Variants in CDH13 observed in about 807,000 individuals in gnomAD.
CDH13 encodes cadherin-13.
CDH13 carries 24 observed loss-of-function variants against 63.8 expected under a neutral mutation model. The ratio of observed to expected loss-of-function variants is 0.38; its 90% CI spans 0.27 to 0.53. The LOEUF (loss-of-function observed/expected upper bound fraction) is 0.53, where lower values mean the gene tolerates loss of function less well. Among genes scored for constraint, CDH13 ranks in the 20% least tolerant of loss-of-function variants. The pLI is 0.85. For synonymous variants in CDH13, 503 were observed against 355.3 expected, an observed-to-expected ratio of 1.42 and a Z score of -4.67; for missense variants, 1,049 against 903.1, an observed-to-expected ratio of 1.16 and a Z score of -2.07.
At chr16:83,131,194 C>A (rs1022472442) in intron 4 of CDH13, among the ~76,000 whole-genome samples, 35 of 128,480 alleles carry the variant, frequency 2.7e-4, no homozygotes, top group Non-Finnish European at 4.6e-4. Flanking sequence ...CCCCCCCCCC[C>A]CCCCCCCGCC....
At position 83,619,590 on chromosome 16, in the gene CDH13, C is replaced by T. The variant is rs115456362; in HGVS notation, c.1101+16996C>T. On this transcript the variant is annotated intron_variant, in intron 8 of 13. Coordinates refer to ENST00000567109, the MANE Select transcript of CDH13 (RefSeq NM_001257.5). ...CTGTCCCCACACTTCTGGTGGCCGC[C>T]GGCAACCTTTGTGCTCCTGGGCTTG... Among the ~76,000 whole-genome samples, 1,044 of 152,294 alleles carry T rather than the reference C, an allele frequency of 6.9e-3. 10 individuals carry two copies. The highest frequency in any genetic ancestry group is 0.024 in the African/African-American group (999 of 41,556).
chr16:83,197,931 AT>A (rs1203119205), intron 4 of CDH13, among the ~76,000 whole-genome samples: 27 of 152,186 alleles, frequency 1.8e-4, no homozygotes, highest in African/African-American at 6.0e-4. Flanking sequence ...ACAGTTTAAC[AT>A]TAGGGAAACT....
chr16:83,031,970 A>T, intron 2 of CDH13, 40 bp from the exon 3 acceptor site: 1 of 1,496,942 alleles, frequency 6.7e-7, no homozygotes, highest in Non-Finnish European at 9.1e-7. Flanking sequence ...AAGCTGCCCA[A>T]CCTACTCATG....
At chr16:82,956,306 AACC>A (rs1906087542) in intron 2 of CDH13, among the ~76,000 whole-genome samples, 1 of 151,948 alleles carries the variant, frequency 6.6e-6, no homozygotes, top group South Asian at 2.1e-4. Flanking sequence ...CCTAGATCTA[AACC>A]ACCATTATCT....
chr16:83,265,500 C>A (rs527889922), intron 5 of CDH13, among the ~76,000 whole-genome samples: 2 of 152,082 alleles, frequency 1.3e-5, no homozygotes, highest in Non-Finnish European at 2.9e-5. Flanking sequence ...AAAAATACTT[C>A]GTACATTTCT....
intron 2 of CDH13, among the ~76,000 whole-genome samples, chr16:83,002,355 C>T (rs962242109): frequency 4.6e-5 from 7 of 152,162 alleles, no homozygotes; most frequent in African/African-American, 1.7e-4. Context: ...CCAAGAAACA[C>T]CTGGAGCCAC....
chr16:83,668,679 C>A (rs375967632), intron 8 of CDH13, among the ~76,000 whole-genome samples: 4 of 152,170 alleles, frequency 2.6e-5, no homozygotes, highest in Admixed American at 2.6e-4. Context: ...GCAGGAGTGG[C>A]AGAGCAAAGA....
chr16:83,128,906 A>T (rs967048580), intron 4 of CDH13, among the ~76,000 whole-genome samples: 4 of 152,232 alleles, frequency 2.6e-5, no homozygotes, highest in African/African-American at 9.6e-5. Flanking sequence ...GTGGTAGGCT[A>T]CTAACTAGAC....
At chr16:83,543,250 C>G (rs2075325985) in intron 7 of CDH13, among the ~76,000 whole-genome samples, 1 of 152,212 alleles carries the variant, frequency 6.6e-6, no homozygotes, top group Non-Finnish European at 1.5e-5. Flanking sequence ...AGCAAATGCT[C>G]AATAAATGTT....
At chr16:83,289,800 G>T (rs2089420691) in intron 5 of CDH13, among the ~76,000 whole-genome samples, 2 of 152,242 alleles carry the variant, frequency 1.3e-5, no homozygotes, top group African/African-American at 4.8e-5. Flanking sequence ...TTATGACAAT[G>T]TCTATCATAC....
chr16:82,662,067 G>A (rs537207921), intron 1 of CDH13, among the ~76,000 whole-genome samples: 1 of 152,230 alleles, frequency 6.6e-6, no homozygotes, highest in Non-Finnish European at 1.5e-5. Flanking sequence ...AGAGGGATTT[G>A]CTGGACACCA....
intron 3 of CDH13, among the ~76,000 whole-genome samples, chr16:83,112,993 GT>G (rs1454736585): frequency 2.6e-5 from 4 of 152,200 alleles, no homozygotes; most frequent in African/African-American, 9.7e-5. Flanking sequence ...AACTGGTGGT[GT>G]TTGGATGGCA....
chr16:82,911,725 G>A lies in CDH13; in HGVS notation c.157+53252G>A, dbSNP rs201575836. 7.9e-5 allele frequency among the ~76,000 whole-genome samples: 12 copies of A among 151,962 alleles called. No individual in the cohort carries two copies. The East Asian group carries it at 1.7e-3, about 22-fold the overall frequency. On this transcript the variant is annotated intron_variant, in intron 2 of 13. Coordinates refer to ENST00000567109, the MANE Select transcript of CDH13 (RefSeq NM_001257.5). ...TTCAGAAGTATGGTCCTTCCCTTAC[G>A]GCCCCTTACTCAATGGCCATCCATT...
chr16:83,012,114 T>G (rs1407492855), intron 2 of CDH13, among the ~76,000 whole-genome samples: 1 of 152,148 alleles, frequency 6.6e-6, no homozygotes, highest in East Asian at 1.9e-4. Flanking sequence ...CTTAAAAAAC[T>G]TTAGGAATTC....
intron 1 of CDH13, among the ~76,000 whole-genome samples, chr16:82,769,235 G>C (rs572612914): frequency 6.6e-6 from 1 of 152,158 alleles, no homozygotes; most frequent in African/African-American, 2.4e-5. Context: ...GTGCTTGAAA[G>C]CGTGCTGCAA....
intron 3 of CDH13, among the ~76,000 whole-genome samples, chr16:83,118,427 G>A (rs1375056261): frequency 6.6e-6 from 1 of 152,208 alleles, no homozygotes; most frequent in Admixed American, 6.5e-5. Context: ...GTGCATAAGT[G>A]TGTGCATTTG....
intron 7 of CDH13, among the ~76,000 whole-genome samples, chr16:83,537,985 T>C (rs1736397067): frequency 6.6e-6 from 1 of 152,212 alleles, no homozygotes; most frequent in South Asian, 2.1e-4. Context: ...GCCCAAATAA[T>C]AAATGTTGAT....
intron 6 of CDH13, among the ~76,000 whole-genome samples, chr16:83,446,041 G>A (rs1418205858): frequency 6.6e-6 from 1 of 152,154 alleles, no homozygotes; most frequent in Non-Finnish European, 1.5e-5. Flanking sequence ...GCTCAGGTCT[G>A]TAATCCCAGC....
At chr16:82,698,470 G>A (rs527603668) in intron 1 of CDH13, among the ~76,000 whole-genome samples, 13 of 152,292 alleles carry the variant, frequency 8.5e-5, no homozygotes, top group African/African-American at 2.6e-4. Flanking sequence ...CATGCATATG[G>A]GCTCAGCCAT....
Sources: gnomAD v4.1 joint callset for allele counts (sites outside exome capture counted in the v4.1 genomes callset) on GRCh38, gnomAD v4.1.1 for gene constraint, MANE v1.5 for transcripts, NCBI Gene and HGNC (gene_info 2026-07-23, HGNC 2026-07-21) for gene names.